CYP20A1: variants seen among roughly 807,000 people sequenced by gnomAD.
CYP20A1 encodes the protein cytochrome P450 family 20 subfamily A member 1, also known as cytochrome P450 20A1.
CYP20A1 carries 61 observed loss-of-function variants against 61.4 expected under a neutral mutation model. The ratio of observed to expected loss-of-function variants is 0.99; its 90% CI spans 0.81 to 1.23. The LOEUF (loss-of-function observed/expected upper bound fraction) is 1.23. Among genes scored for constraint, CYP20A1 ranks in the 50% most tolerant of loss-of-function variants. CYP20A1 has a pLI of 0.00. For missense variants in CYP20A1, 530 were observed against 542.4 expected, an observed-to-expected ratio of 0.98 and a Z score of 0.23; for synonymous variants, 193 against 188.2, an observed-to-expected ratio of 1.03 and a Z score of -0.21.
At chr2:203,283,550 A>AT (rs1267948219) in intron 8 of CYP20A1, among the ~76,000 whole-genome samples, 11,956 of 112,814 alleles carry the variant, frequency 0.11, 683 homozygotes, top group Non-Finnish European at 0.14. Flanking sequence ...TGTTATATTA[A>AT]TTTTTTTTTT....
At chr2:203,251,943 A>T in intron 3 of CYP20A1, 24 bp from the exon 4 acceptor site, 1 of 1,512,754 alleles carries the variant, frequency 6.6e-7, no homozygotes, top group Non-Finnish European at 8.9e-7. Flanking sequence ...TTTGATACAG[A>T]AATATTTAAT....
chr2:203,276,768 A>G (rs2152090035), intron 6 of CYP20A1, among the ~76,000 whole-genome samples: 1 of 152,266 alleles, frequency 6.6e-6, no homozygotes, highest in African/African-American at 2.4e-5. Flanking sequence ...TATTAGAGTT[A>G]GATACATGAG....
At chr2:203,243,530 C>A (rs2066336341) in intron 1 of CYP20A1, among the ~76,000 whole-genome samples, 1 of 151,810 alleles carries the variant, frequency 6.6e-6, no homozygotes, top group Admixed American at 6.6e-5. Flanking sequence ...CATTACAGCA[C>A]CCACTACCAC....
intron 3 of CYP20A1, among the ~76,000 whole-genome samples, chr2:203,251,063 CAAAAAAAAAAA>C (rs35304069): frequency 2.0e-5 from 1 of 50,284 alleles, no homozygotes; most frequent in Non-Finnish European, 3.4e-5. Flanking sequence ...GATTCTGTCT[CAAAAAAAAAAA>C]AAAAAAAAAA....
In CYP20A1 at chr2:203,280,303, C is replaced by T. The variant is rs1000684495; in HGVS notation, c.850+190C>T. Among the ~76,000 whole-genome samples the T allele has an allele frequency of 4.3e-4, 66 of 152,032 alleles. 1 individual carries two copies. Among genetic ancestry groups the T allele is most frequent in the Admixed American group, 1.6e-3 (24 of 15,224 alleles). ...AATAAGTTAACTGAGCATGATGGCC[C>T]GTGCCTGTAGTCTCAGCTGCTCAAG... On this transcript the variant is annotated intron_variant, in intron 8 of 12. Coordinates refer to ENST00000356079, the MANE Select transcript of CYP20A1 (RefSeq NM_177538.3).
intron 5 of CYP20A1, 98 bp from the exon 6 acceptor site, chr2:203,272,572 G>C: frequency 6.7e-6 from 1 of 148,908 alleles, no homozygotes; most frequent in Non-Finnish European, 1.3e-5. Context: ...AAAAAAAAAA[G>C]AGTTAAAGAG....
At chr2:203,295,897 C>T (rs2068772342) in intron 11 of CYP20A1, among the ~76,000 whole-genome samples, 1 of 151,744 alleles carries the variant, frequency 6.6e-6, no homozygotes, top group East Asian at 1.9e-4. Context: ...TGCAATGAGC[C>T]GAGATCACGC....
chr2:203,261,019 A>T (rs1403620478), intron 4 of CYP20A1, among the ~76,000 whole-genome samples: 1 of 149,056 alleles, frequency 6.7e-6, no homozygotes, highest in Non-Finnish European at 1.5e-5. Context: ...CTTTATCTGT[A>T]TGGGTCCATT....
intron 1 of CYP20A1, among the ~76,000 whole-genome samples, chr2:203,240,456 T>G (rs527287921): frequency 1.3e-5 from 2 of 152,340 alleles, no homozygotes; most frequent in South Asian, 4.1e-4. Context: ...GGACAGAAAA[T>G]TCCTGACTCT....
rs1186488446 is a variant in CYP20A1, at chr2:203,300,214, A to G, written c.*3306A>G. ...TGATTGGAATCAAGGAAAAGAGAGC[A>G]TAGAGGAATCAGCTAAATTAGTATG... On this transcript the variant is annotated 3_prime_UTR_variant, in exon 13 of 13. Coordinates refer to ENST00000356079, the MANE Select transcript of CYP20A1 (RefSeq NM_177538.3). Among the ~76,000 whole-genome samples, 1 of 152,234 alleles carries G rather than the reference A, an allele frequency of 6.6e-6. No individual in the cohort carries two copies. The highest frequency in any genetic ancestry group is 1.5e-5 in the Non-Finnish European group (1 of 68,032).
At chr2:203,274,181 TA>T (rs1032515346) in intron 6 of CYP20A1, among the ~76,000 whole-genome samples, 2 of 146,906 alleles carry the variant, frequency 1.4e-5, no homozygotes, top group Non-Finnish European at 3.0e-5. Context: ...TACTTTTTTT[TA>T]AAATAATTTT....
intron 11 of CYP20A1, among the ~76,000 whole-genome samples, chr2:203,294,778 G>A (rs2068704090): frequency 6.7e-6 from 1 of 149,924 alleles, no homozygotes; most frequent in African/African-American, 2.5e-5. Context: ...GAGACTACAG[G>A]CATGCACCAC....
intron 1 of CYP20A1, among the ~76,000 whole-genome samples, chr2:203,244,601 A>G (rs1175124052): frequency 3.9e-5 from 6 of 151,900 alleles, no homozygotes; most frequent in Non-Finnish European, 8.8e-5. Context: ...GGGACCATAT[A>G]TAAACTCACA....
At position 203,239,099 on chromosome 2, in the gene CYP20A1, C is replaced by A. The variant is rs1244532137; in HGVS notation, c.37C>A (p.Leu13Met). 1.2e-6 allele frequency: 2 copies of A among 1,613,716 alleles called. No individual in the cohort carries two copies. Among genetic ancestry groups the A allele is most frequent in the Non-Finnish European group, 8.5e-7 (1 of 1,179,838 alleles). The change falls in exon 1 of 13, where the codon CTG (leucine) becomes ATG (methionine). Residue 13 changes from leucine (L) to methionine (M), a missense_variant. Coordinates refer to ENST00000356079, the MANE Select transcript of CYP20A1 (RefSeq NM_177538.3). The stretch of plus-strand genomic sequence containing the variant: ...CGCGATCTTCGCCGTTACCTTCTTG[C>A]TGGCGTTGGTGGGAGCCGTGCTCTA... ...DFAIFAVTFL[L>M]ALVGAVLYLY... is the part of the protein sequence containing the mutation.
Position 203,299,287 on chromosome 2 carries a change from T to G in CYP20A1, c.*2379T>G, listed in dbSNP as rs2068930279. On this transcript the variant is annotated 3_prime_UTR_variant, in exon 13 of 13. Transcript: ENST00000356079. ...TATTTTTAACACTGCTGAATTTCATTTGTAATTTTACTTTCAAGAATATAC... is the reference window on the plus strand; with the variant it reads ...TATTTTTAACACTGCTGAATTTCATGTGTAATTTTACTTTCAAGAATATAC... 6.6e-6 allele frequency among the ~76,000 whole-genome samples: 1 copy of G among 152,148 alleles called. No homozygotes were observed.
rs200564365 is a variant in CYP20A1, at chr2:203,239,172, G to A, written c.72+38G>A. ...TTGGCTCTCTGGGGCCCCGGGCGCC[G>A]CCCCAGTCTCTCTGTCGCCGGCATC... is the stretch of plus-strand genomic sequence containing the variant. On this transcript the variant is annotated intron_variant, in intron 1 of 12. Coordinates refer to ENST00000356079, the MANE Select transcript of CYP20A1 (RefSeq NM_177538.3). The A allele has an allele frequency of 6.3e-4, 991 of 1,560,658 alleles. 7 individuals carry two copies. In the Admixed American group the frequency reaches 7.0e-3, roughly 11 times the overall value.
chr2:203,249,431 G>GTGTAGT (rs1327458739), intron 3 of CYP20A1, among the ~76,000 whole-genome samples: 1 of 152,172 alleles, frequency 6.6e-6, no homozygotes, highest in Non-Finnish European at 1.5e-5. Context: ...TACACCTGAT[G>GTGTAGT]TGTAGTAATT....
At chr2:203,254,374 A>G (rs1248672033) in intron 4 of CYP20A1, among the ~76,000 whole-genome samples, 1 of 152,054 alleles carries the variant, frequency 6.6e-6, no homozygotes. Context: ...ATGAAACCCT[A>G]TCTTTACTAA....
At chr2:203,265,593 T>C (rs148941610) in intron 4 of CYP20A1, among the ~76,000 whole-genome samples, 1 of 152,334 alleles carries the variant, frequency 6.6e-6, no homozygotes, top group East Asian at 1.9e-4. Context: ...CTACCTTTAT[T>C]TTATATAAAG....
Sources: gnomAD v4.1 joint callset for allele counts (sites outside exome capture counted in the v4.1 genomes callset) on GRCh38, gnomAD v4.1.1 for gene constraint, MANE v1.5 for transcripts, NCBI Gene and HGNC (gene_info 2026-07-23, HGNC 2026-07-21) for gene names.